MGAT4C: variants seen among roughly 807,000 people sequenced by gnomAD.
The protein encoded by MGAT4C is alpha-1,3-mannosyl-glycoprotein 4-beta-N-acetylglucosaminyltransferase C.
Under a neutral mutation model 40.1 loss-of-function variants are expected in MGAT4C, and 19 were observed. The observed-to-expected ratio is 0.47, with a 90% confidence interval of 0.33 to 0.70. The LOEUF is 0.70. MGAT4C is among the 30% of genes least tolerant of loss of function. MGAT4C has a pLI of 0.02. For missense variants in MGAT4C, 491 were observed against 563.2 expected, an observed-to-expected ratio of 0.87 and a Z score of 1.30; for synonymous variants, 181 against 187.1, an observed-to-expected ratio of 0.97 and a Z score of 0.27.
rs775231237 is a variant in MGAT4C, at chr12:86,802,973, A to G, written c.-262+35693T>C. 8.6e-3 allele frequency among the ~76,000 whole-genome samples: 1,078 copies of G among 125,134 alleles called. 17 individuals are homozygous for G. The highest frequency in any genetic ancestry group is 0.013 in the Non-Finnish European group (761 of 58,428). 82.1% of individuals were successfully genotyped at this position (125,134 alleles called of 152,430 possible). ...CATCGCCAAGTCAATCCTAAGCCAA[A>G]AGAACAAAGCTGGAGGCATCACACT... On this transcript the variant is annotated intron_variant, in intron 1 of 7. Coordinates refer to the MGAT4C transcript ENST00000548651.
At chr12:86,000,859 A>G (rs1182443169) in intron 2 of MGAT4C, among the ~76,000 whole-genome samples, 1 of 152,146 alleles carries the variant, frequency 6.6e-6, no homozygotes, top group Admixed American at 6.5e-5. Flanking sequence ...ACGATGCCTC[A>G]TCAACTGCTC....
intron 1 of MGAT4C, among the ~76,000 whole-genome samples, chr12:86,174,467 T>C (rs1887187550): frequency 6.6e-6 from 1 of 152,152 alleles, no homozygotes; most frequent in South Asian, 2.1e-4. Context: ...ACTGAAAGGT[T>C]AAATGTGATA....
rs1380166978 is a variant in MGAT4C, at chr12:86,037,179, T to C, written c.-7+12495A>G. On this transcript the variant is annotated intron_variant, in intron 2 of 4. Transcript: ENST00000611864. ...ATTGCATCTATTTGATTCTTCTCTC[T>C]TTTCTTCTTTATTAGTCTGGCTAGC... Among the ~76,000 whole-genome samples, 2 of 150,100 alleles carry C rather than the reference T, an allele frequency of 1.3e-5. 1 individual carries two copies. The highest frequency in any genetic ancestry group is 3.0e-5 in the Non-Finnish European group (2 of 66,932).
chr12:86,196,739 G>T (rs2135919974), intron 1 of MGAT4C, among the ~76,000 whole-genome samples: 1 of 152,296 alleles, frequency 6.6e-6, no homozygotes, highest in African/African-American at 2.4e-5. Flanking sequence ...GTCCTCAGCA[G>T]AGATGGCTGA....
chr12:86,575,444 C>T (rs954922235), intron 2 of MGAT4C, among the ~76,000 whole-genome samples: 7 of 151,818 alleles, frequency 4.6e-5, no homozygotes, highest in Non-Finnish European at 8.8e-5. Context: ...TTAGATCCCA[C>T]AAATAAATGA....
At position 86,202,079 on chromosome 12, in the gene MGAT4C, A is replaced by G. The variant is rs546285922; in HGVS notation, c.-57+54160T>C. Among the ~76,000 whole-genome samples the G allele has an allele frequency of 1.5e-3, 234 of 152,214 alleles. 1 individual carries two copies. Among genetic ancestry groups the G allele is most frequent in the African/African-American group, 5.5e-3 (227 of 41,572 alleles). On this transcript the variant is annotated intron_variant, in intron 1 of 4. Transcript: ENST00000611864. ...CACGAATCCAATCATTTCATGTATG[A>G]GTAAAGAGAGGCTTAGTTTCTTTTC...
At chr12:86,619,058 T>TTA (rs1480197322) in intron 2 of MGAT4C, among the ~76,000 whole-genome samples, 2 of 152,084 alleles carry the variant, frequency 1.3e-5, no homozygotes, top group African/African-American at 4.8e-5. Flanking sequence ...GTATTAGGTA[T>TTA]TATAAGTAAT....
intron 1 of MGAT4C, among the ~76,000 whole-genome samples, chr12:86,130,215 T>C (rs1173755320): frequency 1.3e-5 from 2 of 152,170 alleles, no homozygotes; most frequent in Non-Finnish European, 1.5e-5. Context: ...TTTAGTCTTA[T>C]AAAAGATGCA....
intron 2 of MGAT4C, among the ~76,000 whole-genome samples, chr12:86,532,162 C>T (rs151235041): frequency 1.3e-5 from 2 of 152,002 alleles, no homozygotes; most frequent in African/African-American, 4.8e-5. Flanking sequence ...GGACAATAAG[C>T]TATAAGCTGT....
intron 2 of MGAT4C, among the ~76,000 whole-genome samples, chr12:86,672,810 T>C (rs1179174273): frequency 6.6e-6 from 1 of 152,152 alleles, no homozygotes; most frequent in Non-Finnish European, 1.5e-5. Flanking sequence ...CTATGCTTAC[T>C]ACCTGGGTAA....
intron 4 of MGAT4C, among the ~76,000 whole-genome samples, chr12:86,292,321 T>A (rs1166024306): frequency 6.6e-6 from 1 of 151,912 alleles, no homozygotes; most frequent in Non-Finnish European, 1.5e-5. Flanking sequence ...GATATATAGA[T>A]ATAACTACTC....
intron 2 of MGAT4C, among the ~76,000 whole-genome samples, chr12:86,700,040 A>ATAGATAGAT (rs1950328521): frequency 6.6e-6 from 1 of 150,676 alleles, no homozygotes. Flanking sequence ...AGATAAATAG[A>ATAGATAGAT]TAGATAGATA....
intron 2 of MGAT4C, among the ~76,000 whole-genome samples, chr12:86,683,163 A>C (rs962964494): frequency 6.6e-6 from 1 of 152,106 alleles, no homozygotes; most frequent in Non-Finnish European, 1.5e-5. Flanking sequence ...GACATAAAAT[A>C]CCTCATAGGG....
intron 2 of MGAT4C, among the ~76,000 whole-genome samples, chr12:86,025,614 C>T (rs994484760): frequency 1.3e-5 from 2 of 151,640 alleles, no homozygotes; most frequent in East Asian, 3.9e-4. Context: ...TTAATAAAAG[C>T]TATGAAGAAA....
intron 3 of MGAT4C, among the ~76,000 whole-genome samples, chr12:86,383,482 T>G (rs868612945): frequency 3.2e-5 from 4 of 124,172 alleles, no homozygotes; most frequent in African/African-American, 1.2e-4. Context: ...AACCTGGGGA[T>G]GGAGGTTGCA....
At chr12:86,757,989 GA>G (rs1951335298) in intron 1 of MGAT4C, among the ~76,000 whole-genome samples, 1 of 152,128 alleles carries the variant, frequency 6.6e-6, no homozygotes, top group African/African-American at 2.4e-5. Context: ...AGGGTGAGCT[GA>G]AAAAGTAAGT....
chr12:86,540,154 G>A (rs1959148606), intron 2 of MGAT4C, among the ~76,000 whole-genome samples: 1 of 152,120 alleles, frequency 6.6e-6, no homozygotes, highest in African/African-American at 2.4e-5. Context: ...TATGGTTTTA[G>A]GTCTAACATT....
intron 2 of MGAT4C, among the ~76,000 whole-genome samples, chr12:86,451,337 T>C (rs986062505): frequency 6.6e-6 from 1 of 152,174 alleles, no homozygotes; most frequent in African/African-American, 2.4e-5. Flanking sequence ...AAGGAGAGGC[T>C]ACTGTGTTTC....
intron 1 of MGAT4C, among the ~76,000 whole-genome samples, chr12:86,836,440 C>T (rs922397746): frequency 6.6e-6 from 1 of 151,802 alleles, no homozygotes; most frequent in Non-Finnish European, 1.5e-5. Context: ...TTGGAAGCAA[C>T]AAACATATCA....
Sources: allele counts gnomAD v4.1 joint callset (sites outside exome capture counted in the v4.1 genomes callset), GRCh38; gene constraint gnomAD v4.1.1; transcripts MANE v1.5; gene names NCBI Gene and HGNC (gene_info 2026-07-23, HGNC 2026-07-21).